Variants in ADAMTS20 observed in about 807,000 individuals in gnomAD.
ADAMTS20 encodes A disintegrin and metalloproteinase with thrombospondin motifs 20.
ADAMTS20 carries 225 observed loss-of-function variants against 260.1 expected under a neutral mutation model. The ratio of observed to expected loss-of-function variants is 0.87; its 90% confidence interval spans 0.78 to 0.97. The LOEUF (loss-of-function observed/expected upper bound fraction) is 0.97. Ranked by LOEUF, ADAMTS20 falls within the 50% of genes least tolerant of loss-of-function variation. The pLI, the probability that ADAMTS20 is intolerant of heterozygous loss-of-function variation, is 0.00. For synonymous variants in ADAMTS20, 802 were observed against 769.5 expected (o/e 1.04, Z -0.70); for missense variants, 2,400 against 2,337.7 (o/e 1.03, Z -0.55).
At chr12:43,453,346 C>T (rs1941904175) in intron 12 of ADAMTS20, among the ~76,000 whole-genome samples, 1 of 151,966 alleles carries the variant, frequency 6.6e-6, no homozygotes, top group Non-Finnish European at 1.5e-5. Context: ...ATCATATATA[C>T]AACAAAAACA....
chr12:43,425,106 G>A (rs368399847), intron 28 of ADAMTS20, among the ~76,000 whole-genome samples: 2 of 152,076 alleles, frequency 1.3e-5, no homozygotes, highest in African/African-American at 2.4e-5. Flanking sequence ...CGTCCTTTGC[G>A]GGGACATGGA....
In ADAMTS20 at chr12:43,446,852, A is replaced by C. The variant is rs113971594; in HGVS notation, c.2080-140T>G. Reference sequence around the variant, plus strand: ...GAAATATAGATAACTCTCAGAGGCTACTATGAACACCTCTATGCACATGAA... The same window carrying C: ...GAAATATAGATAACTCTCAGAGGCTCCTATGAACACCTCTATGCACATGAA... On this transcript the variant is annotated intron_variant, in intron 14 of 38. Transcript: ENST00000389420. The C allele has an allele frequency of 4.9e-5, 33 of 668,004 alleles. 5 individuals are homozygous for C. Among genetic ancestry groups the C allele is most frequent in the African/African-American group, 2.9e-4 (16 of 55,526 alleles). 41.4% of individuals were successfully genotyped at this position (668,004 alleles called of 1,614,324 possible).
At position 43,446,641 on chromosome 12, in the gene ADAMTS20, G is replaced by A. The variant is rs141995953; in HGVS notation, c.2151C>T (p.Asn717=). 3.2e-5 allele frequency: 52 copies of A among 1,613,362 alleles called. 1 individual carries two copies. In the African/African-American group the frequency reaches 6.3e-4, roughly 19 times the overall value. The change falls in exon 15 of 39, where the codon AAC becomes AAT. Residue 717 remains asparagine (N), a synonymous_variant. Coordinates refer to ENST00000389420, the MANE Select transcript of ADAMTS20 (RefSeq NM_025003.5). ...IDKCGVCGGD[N]SSCKTITGVF... ...CACCTGTTATTGTCTTGCATGAAGA[G>A]TTGTCCCCACCACACACTCCACATT... is the stretch of plus-strand genomic sequence containing the variant.
chr12:43,384,517 G>A (rs777562549), intron 29 of ADAMTS20, among the ~76,000 whole-genome samples: 7 of 151,812 alleles, frequency 4.6e-5, no homozygotes, highest in Admixed American at 6.6e-5. Flanking sequence ...GCTTTGTTAC[G>A]TAGGTATACA....
At chr12:43,429,051 A>G (rs575957840) in intron 24 of ADAMTS20, among the ~76,000 whole-genome samples, 2 of 152,230 alleles carry the variant, frequency 1.3e-5, no homozygotes, top group Admixed American at 6.5e-5. Flanking sequence ...AATGATTTAA[A>G]ATAATGCTTA....
chr12:43,387,547 G>C (rs762934065), intron 29 of ADAMTS20, among the ~76,000 whole-genome samples: 3 of 152,210 alleles, frequency 2.0e-5, no homozygotes, highest in Non-Finnish European at 4.4e-5. Flanking sequence ...TCTCTTCAGA[G>C]CCAGCAGGCA....
intron 3 of ADAMTS20, among the ~76,000 whole-genome samples, chr12:43,508,001 G>A (rs1366659803): frequency 1.3e-5 from 2 of 152,128 alleles, no homozygotes; most frequent in African/African-American, 2.4e-5. Context: ...TGGAGGGTGA[G>A]AGGAGGGAGA....
chr12:43,463,718 C>A (rs1942105267), intron 10 of ADAMTS20, among the ~76,000 whole-genome samples: 1 of 152,046 alleles, frequency 6.6e-6, no homozygotes, highest in Non-Finnish European at 1.5e-5. Context: ...TTTGCCTGTC[C>A]TACATTCTCT....
At chr12:43,390,118 C>T (rs1940566386) in intron 29 of ADAMTS20, among the ~76,000 whole-genome samples, 1 of 152,206 alleles carries the variant, frequency 6.6e-6, no homozygotes. Flanking sequence ...TGTGGGGTGG[C>T]ACCAAACCAT....
At chr12:43,369,646 G>A (rs989180648) in intron 36 of ADAMTS20, among the ~76,000 whole-genome samples, 5 of 151,978 alleles carry the variant, frequency 3.3e-5, no homozygotes, top group Admixed American at 2.0e-4. Context: ...GAGTTAAAAC[G>A]AAATAAATGC....
intron 3 of ADAMTS20, among the ~76,000 whole-genome samples, chr12:43,512,354 A>ATAT (rs1565577815): frequency 2.7e-5 from 4 of 149,932 alleles, no homozygotes; most frequent in Non-Finnish European, 4.4e-5. Context: ...ATATATGAGG[A>ATAT]TATTATTATT....
chr12:43,458,157 C>T (rs1167547223), intron 11 of ADAMTS20, among the ~76,000 whole-genome samples: 1 of 152,178 alleles, frequency 6.6e-6, no homozygotes, highest in Non-Finnish European at 1.5e-5. Context: ...GTGGAGACAG[C>T]TCAAAGCAAG....
At chr12:43,530,902 C>T (rs905071612) in intron 3 of ADAMTS20, among the ~76,000 whole-genome samples, 20 of 151,526 alleles carry the variant, frequency 1.3e-4, no homozygotes, top group African/African-American at 4.6e-4. Flanking sequence ...GAAAATATAC[C>T]TCTCTCATAG....
At position 43,452,706 on chromosome 12, in the gene ADAMTS20, T is replaced by A; in HGVS notation, c.1761-11A>T. 6.3e-7 allele frequency: 1 copy of A among 1,591,062 alleles called. No homozygotes were observed. Among genetic ancestry groups the A allele is most frequent in the Non-Finnish European group, 8.6e-7 (1 of 1,165,832 alleles). ...CCTCCGTTTCTTGGCCTAGTCAAAT[T>A]CATTACATTTTAAAGCACATCAGTA... On this transcript the variant is annotated splice_polypyrimidine_tract_variant and intron_variant, in intron 12 of 38. Transcript: ENST00000389420.
At chr12:43,549,198 C>CATTAA (rs10658120) in intron 2 of ADAMTS20, among the ~76,000 whole-genome samples, 141,790 of 151,504 alleles carry the variant, frequency 0.94, 66,822 homozygotes, top group East Asian at 0.99. Flanking sequence ...TTGTATAATA[C>CATTAA]ATTATCCACA....
At position 43,475,633 on chromosome 12, in the gene ADAMTS20, T is replaced by G. The variant is rs555386097; in HGVS notation, c.1118-6928A>C. ...AGTAACCAAAACCGCATGGTACTGG[T>G]ACCAAAACAGAGATATAGATCAATG... On this transcript the variant is annotated intron_variant, in intron 7 of 38. Coordinates refer to ENST00000389420, the MANE Select transcript of ADAMTS20 (RefSeq NM_025003.5). Among the ~76,000 whole-genome samples the G allele has an allele frequency of 4.5e-4, 69 of 151,954 alleles. 2 individuals are homozygous for G. The highest frequency in any genetic ancestry group is 1.6e-3 in the African/African-American group (66 of 41,434).
intron 3 of ADAMTS20, among the ~76,000 whole-genome samples, chr12:43,504,712 C>T (rs67009912): frequency 0.094 from 14,318 of 151,964 alleles, 815 homozygotes; most frequent in Middle Eastern, 0.19. Context: ...CAAATAGCAC[C>T]TCATAAAGCT....
At chr12:43,369,449 G>T in intron 36 of ADAMTS20, 68 bp from the exon 37 acceptor site, 3 of 850,930 alleles carry the variant, frequency 3.5e-6, no homozygotes, top group African/African-American at 1.8e-5. Flanking sequence ...CAAACACAGA[G>T]TTTTCTTATT....
At chr12:43,537,244 G>T (rs948314121) in intron 2 of ADAMTS20, among the ~76,000 whole-genome samples, 1 of 151,492 alleles carries the variant, frequency 6.6e-6, no homozygotes, top group African/African-American at 2.4e-5. Flanking sequence ...TGGTAGAGAT[G>T]GGGTTTCACT....
Sources: allele counts gnomAD v4.1 joint callset (sites outside exome capture counted in the v4.1 genomes callset), GRCh38; gene constraint gnomAD v4.1.1; transcripts MANE v1.5; gene names NCBI Gene and HGNC (gene_info 2026-07-23, HGNC 2026-07-21).